Variants in SLC39A12 observed in about 807,000 individuals in gnomAD.
SLC39A12 encodes the protein solute carrier family 39 member 12.
Under a neutral mutation model 71.1 loss-of-function variants are expected in SLC39A12, and 63 were observed. The ratio of observed to expected loss-of-function variants is 0.89; its 90% CI spans 0.72 to 1.09. The LOEUF (loss-of-function observed/expected upper bound fraction) is 1.09. SLC39A12 is among the 50% of genes least tolerant of loss of function. SLC39A12 has a pLI of 0.00. For missense variants in SLC39A12, 892 were observed against 812.6 expected (o/e 1.10, Z -1.19); for synonymous variants, 351 against 301.3 (o/e 1.16, Z -1.71).
At chr10:17,998,225 A>T (rs1835739437) in intron 10 of SLC39A12, among the ~76,000 whole-genome samples, 1 of 152,196 alleles carries the variant, frequency 6.6e-6, no homozygotes, top group Non-Finnish European at 1.5e-5. Context: ...CCTATCCACG[A>T]TCTGACATTT....
At chr10:18,039,878 G>A (rs1296650611) in intron 12 of SLC39A12, among the ~76,000 whole-genome samples, 1 of 152,144 alleles carries the variant, frequency 6.6e-6, no homozygotes, top group African/African-American at 2.4e-5. Flanking sequence ...GTCCACTGTG[G>A]ATTTTGAATT....
intron 4 of SLC39A12, among the ~76,000 whole-genome samples, chr10:17,967,221 T>C (rs1186553513): frequency 6.6e-6 from 1 of 152,240 alleles, no homozygotes; most frequent in Non-Finnish European, 1.5e-5. Context: ...CATTTCTATG[T>C]ACTGTGTTTC....
At chr10:18,020,370 G>C (rs1276935224) in intron 12 of SLC39A12, among the ~76,000 whole-genome samples, 1 of 151,990 alleles carries the variant, frequency 6.6e-6, no homozygotes, top group Admixed American at 6.6e-5. Context: ...CTCCACCATT[G>C]TCAGGCATTT....
At chr10:18,002,084 A>G in intron 11 of SLC39A12, 1 of 152,146 alleles carries the variant, frequency 6.6e-6, no homozygotes, top group Non-Finnish European at 1.5e-5. Flanking sequence ...AAGTGAGAAC[A>G]ATATAGCCCT....
chr10:18,016,137 A>G (rs1836374983), intron 12 of SLC39A12, among the ~76,000 whole-genome samples: 1 of 152,110 alleles, frequency 6.6e-6, no homozygotes, highest in Non-Finnish European at 1.5e-5. Flanking sequence ...CATACTCACC[A>G]TTGTATCATA....
At chr10:18,020,871 ACCTTTGTT>A (rs1564659524) in intron 12 of SLC39A12, among the ~76,000 whole-genome samples, 2 of 151,856 alleles carry the variant, frequency 1.3e-5, no homozygotes, top group Non-Finnish European at 2.9e-5. Context: ...TGGATATTAG[ACCTTTGTT>A]AGATGGATAG....
chr10:18,014,178 G>T (rs1836313334), intron 12 of SLC39A12, among the ~76,000 whole-genome samples: 1 of 151,788 alleles, frequency 6.6e-6, no homozygotes, highest in Non-Finnish European at 1.5e-5. Flanking sequence ...CACTTTTTTG[G>T]TTAATTTTAT....
chr10:17,987,968 G>C (rs1254518050), intron 7 of SLC39A12, among the ~76,000 whole-genome samples: 1 of 152,146 alleles, frequency 6.6e-6, no homozygotes, highest in Non-Finnish European at 1.5e-5. Context: ...GAGCCCAGGA[G>C]CTCAAGAACA....
intron 8 of SLC39A12, among the ~76,000 whole-genome samples, chr10:17,991,656 C>T (rs1006357154): frequency 1.3e-5 from 2 of 149,552 alleles, no homozygotes; most frequent in African/African-American, 4.8e-5. Flanking sequence ...ACTTTGAAAA[C>T]TCACAAAATC....
At chr10:18,039,476 C>T (rs1837158342) in intron 12 of SLC39A12, among the ~76,000 whole-genome samples, 1 of 152,170 alleles carries the variant, frequency 6.6e-6, no homozygotes, top group Admixed American at 6.5e-5. Flanking sequence ...GCCTGTAATT[C>T]CAACACTTTG....
At chr10:17,999,528 C>T (rs892224863) in intron 10 of SLC39A12, among the ~76,000 whole-genome samples, 1 of 152,090 alleles carries the variant, frequency 6.6e-6, no homozygotes, top group Non-Finnish European at 1.5e-5. Context: ...TTCAACTCTA[C>T]AATTGAGTTA....
In SLC39A12 at chr10:17,991,993, G is replaced by T. The variant is rs191749172; in HGVS notation, c.1422+690G>T. On this transcript the variant is annotated intron_variant, in intron 8 of 12. Transcript: ENST00000377369. Reference sequence around the variant, plus strand: ...AATCCCAGGTACTAGGGAGGCTGAGGCAGGAGAATTGCTTGAACCCAAGAG... The same window carrying T: ...AATCCCAGGTACTAGGGAGGCTGAGTCAGGAGAATTGCTTGAACCCAAGAG... 3.0e-3 allele frequency among the ~76,000 whole-genome samples: 454 copies of T among 150,350 alleles called. 1 individual carries two copies. The highest frequency in any genetic ancestry group is 0.011 in the African/African-American group (435 of 40,958).
intron 12 of SLC39A12, among the ~76,000 whole-genome samples, chr10:18,025,774 T>G (rs936063982): frequency 6.6e-6 from 1 of 152,158 alleles, no homozygotes; most frequent in Non-Finnish European, 1.5e-5. Flanking sequence ...AGGGTCAAAT[T>G]GTATTTCTAG....
intron 12 of SLC39A12, among the ~76,000 whole-genome samples, chr10:18,033,778 G>A (rs1836919974): frequency 6.8e-6 from 1 of 147,068 alleles, no homozygotes; most frequent in South Asian, 2.2e-4. Flanking sequence ...GCTTTCTCTT[G>A]TGGGCATTTA....
intron 7 of SLC39A12, among the ~76,000 whole-genome samples, chr10:17,989,721 C>G (rs969371058): frequency 6.6e-6 from 1 of 152,050 alleles, no homozygotes. Flanking sequence ...GAGTTTGAGA[C>G]CAGCCTGGCC....
rs753428755 is a variant in SLC39A12, at chr10:17,991,164, A to G, written c.1283A>G (p.His428Arg). 8 of 1,520,370 alleles carry G rather than the reference A, an allele frequency of 5.3e-6. No individual in the cohort carries two copies. In the African/African-American group the frequency reaches 5.8e-5, roughly 11 times the overall value. 94.2% of individuals were successfully genotyped at this position (1,520,370 alleles called of 1,614,324 possible). Reference sequence around the variant, plus strand: ...TTTCCCCTGAAGGTTCTTGGTTTACATAAGCAGGAAGCCCCAGAATTTGGG... The same window carrying G: ...TTTCCCCTGAAGGTTCTTGGTTTACGTAAGCAGGAAGCCCCAGAATTTGGG... Reference protein sequence around the residue: ...LHLIPQVLGLHKQEAPEFGHF... With the variant: ...LHLIPQVLGLRKQEAPEFGHF... Residue 428 changes from histidine to arginine, a missense_variant, in exon 8 of 13, where the codon CAT becomes CGT. Physicochemically the swap from His to Arg is conservative, Grantham distance 29. Transcript: ENST00000377369.
At chr10:18,003,472 A>G (rs1835894107) in intron 12 of SLC39A12, 114 bp downstream of exon 12, 3 of 950,830 alleles carry the variant, frequency 3.2e-6, no homozygotes, top group South Asian at 3.8e-5. Flanking sequence ...TTTATAAAAC[A>G]ATATAAACCA....
intron 12 of SLC39A12, among the ~76,000 whole-genome samples, chr10:18,026,271 T>G (rs1334522240): frequency 6.6e-6 from 1 of 152,160 alleles, no homozygotes; most frequent in Non-Finnish European, 1.5e-5. Flanking sequence ...TATTTTTGTT[T>G]TCTGAGAGAG....
rs184021568 is a variant in SLC39A12, at chr10:17,957,987, C to T, written c.262-3594C>T. On this transcript the variant is annotated intron_variant, in intron 2 of 12. Coordinates refer to ENST00000377369, the MANE Select transcript of SLC39A12 (RefSeq NM_001145195.2). ...TTCAAGGTTACCAAAATCTCTGTTC[C>T]GACAAAAGAAGATGCTTCTACAGCT... Among the ~76,000 whole-genome samples, 12 of 152,224 alleles carry T rather than the reference C, an allele frequency of 7.9e-5. No individual in the cohort carries two copies. In the East Asian group the frequency reaches 9.6e-4, roughly 12 times the overall value.
Sources: allele counts gnomAD v4.1 joint callset (sites outside exome capture counted in the v4.1 genomes callset), GRCh38; gene constraint gnomAD v4.1.1; transcripts MANE v1.5; gene names NCBI Gene and HGNC (gene_info 2026-07-23, HGNC 2026-07-21).